The following NALCN variants were observed in gnomAD, a reference collection of about 807,000 sequenced individuals.
The protein encoded by NALCN is sodium leak channel NALCN.
In NALCN, 111 loss-of-function variants were observed where a neutral mutation model predicts 225.3. The observed-to-expected ratio is 0.49, with a 90% CI of 0.42 to 0.58. The LOEUF (loss-of-function observed/expected upper bound fraction) is 0.58. Among genes scored for constraint, NALCN ranks in the 20% least tolerant of loss-of-function variants. The pLI is 0.00. For missense variants in NALCN, 1,378 were observed against 2,202.4 expected (o/e 0.63, Z 7.49); for synonymous variants, 764 against 769.0 (o/e 0.99, Z 0.11).
intron 6 of NALCN, among the ~76,000 whole-genome samples, chr13:101,375,394 G>C (rs969174574): frequency 1.3e-5 from 2 of 152,086 alleles, no homozygotes; most frequent in African/African-American, 4.8e-5. Context: ...ATTGAGCCAA[G>C]CTTATCATGA....
At chr13:101,062,640 G>A (rs1422811898) in intron 40 of NALCN, among the ~76,000 whole-genome samples, 1 of 152,008 alleles carries the variant, frequency 6.6e-6, no homozygotes, top group Non-Finnish European at 1.5e-5. Flanking sequence ...CTTCACTCTT[G>A]TTGACCAGGC....
At chr13:101,357,674 GA>G (rs1012256973) in intron 6 of NALCN, among the ~76,000 whole-genome samples, 32 of 152,078 alleles carry the variant, frequency 2.1e-4, no homozygotes, top group African/African-American at 7.7e-4. Context: ...CACAGAATTA[GA>G]AAAAAACTAC....
intron 18 of NALCN, among the ~76,000 whole-genome samples, chr13:101,119,012 T>C (rs2035846808): frequency 6.6e-6 from 1 of 152,146 alleles, no homozygotes; most frequent in Admixed American, 6.5e-5. Context: ...GGCTAACCTA[T>C]GGAACAATAA....
chr13:101,082,915 C>T (rs375883134), intron 32 of NALCN, 32 bp from the exon 33 acceptor site: 3 of 1,612,000 alleles, frequency 1.9e-6, no homozygotes, highest in Non-Finnish European at 8.5e-7. Flanking sequence ...AGTCGTTGCC[C>T]ACGTCCATCG....
chr13:101,081,211 T>C (rs1249041194), intron 34 of NALCN, among the ~76,000 whole-genome samples: 1 of 152,216 alleles, frequency 6.6e-6, no homozygotes, highest in Non-Finnish European at 1.5e-5. Flanking sequence ...GTTGCAGTCT[T>C]CCTCTCTCTT....
chr13:101,167,836 C>CAAAA (rs1202439851), intron 15 of NALCN, among the ~76,000 whole-genome samples: 2 of 120,464 alleles, frequency 1.7e-5, no homozygotes, highest in Non-Finnish European at 3.6e-5. Context: ...GAGACTCTGT[C>CAAAA]AAAAAAAAAC....
At chr13:101,360,206 C>A (rs1158776260) in intron 6 of NALCN, among the ~76,000 whole-genome samples, 3 of 141,486 alleles carry the variant, frequency 2.1e-5, no homozygotes, top group Non-Finnish European at 4.6e-5. Context: ...CTCTCTCTCT[C>A]TCTCTCTCTC....
At chr13:101,382,643 A>C (rs879359256) in intron 3 of NALCN, among the ~76,000 whole-genome samples, 3 of 152,218 alleles carry the variant, frequency 2.0e-5, no homozygotes, top group African/African-American at 7.2e-5. Flanking sequence ...GAATTATTTT[A>C]AATCATTTTA....
intron 15 of NALCN, among the ~76,000 whole-genome samples, chr13:101,166,928 T>G (rs190739090): frequency 6.4e-4 from 98 of 152,314 alleles, no homozygotes; most frequent in Middle Eastern, 3.4e-3. Context: ...TTCATTCTTT[T>G]GTGTGTGGTA....
At chr13:101,373,063 T>C (rs1156353219) in intron 6 of NALCN, 2 of 396,354 alleles carry the variant, frequency 5.0e-6, no homozygotes, top group South Asian at 1.9e-5. Context: ...ATAAACATTA[T>C]GCAATATTGA....
chr13:101,181,244 T>C (rs1374258479), intron 14 of NALCN: 2 of 518,488 alleles, frequency 3.9e-6, no homozygotes, highest in African/African-American at 3.9e-5. Flanking sequence ...CTGGCCAGAG[T>C]CTGGCTTCCA....
At chr13:101,173,378 T>C (rs1566381056) in intron 15 of NALCN, among the ~76,000 whole-genome samples, 1 of 152,200 alleles carries the variant, frequency 6.6e-6, no homozygotes, top group Non-Finnish European at 1.5e-5. Context: ...GTTTAGAGGT[T>C]AAGAGTGTGG....
At chr13:101,259,344 A>T (rs1305894099) in intron 10 of NALCN, among the ~76,000 whole-genome samples, 1 of 151,790 alleles carries the variant, frequency 6.6e-6, no homozygotes, top group Non-Finnish European at 1.5e-5. Flanking sequence ...TATTATTATT[A>T]TTATTTTGAG....
In NALCN at chr13:101,399,052, C is replaced by T. The variant is rs374635988; in HGVS notation, c.75G>A (p.Ser25=). 40 of 1,610,842 alleles carry T rather than the reference C, an allele frequency of 2.5e-5. No homozygotes were observed. The East Asian group carries it at 5.3e-4, about 22-fold the overall frequency. ...VTDFGPDESL[S]DNADILWINK... The stretch of plus-strand genomic sequence containing the variant: ...TAATCCAGAGGATGTCAGCATTATC[C>T]GACAGAGACTCATCAGGACCAAAGT... The change falls in exon 2 of 44, where the codon TCG becomes TCA. Residue 25 remains serine (S), a synonymous_variant. Transcript: ENST00000251127.
intron 6 of NALCN, among the ~76,000 whole-genome samples, chr13:101,350,658 G>A (rs61973691): frequency 0.18 from 27,155 of 152,096 alleles, 2,870 homozygotes; most frequent in Non-Finnish European, 0.25. Context: ...AAAGTATGGT[G>A]CCTGGCTGTT....
At chr13:101,392,686 C>A (rs1040625450) in intron 3 of NALCN, among the ~76,000 whole-genome samples, 1 of 152,032 alleles carries the variant, frequency 6.6e-6, no homozygotes, top group Non-Finnish European at 1.5e-5. Context: ...TAAGTAAAAG[C>A]AACTAGGGCA....
chr13:101,081,968 C>T (rs1221552374), intron 33 of NALCN, among the ~76,000 whole-genome samples: 4 of 152,068 alleles, frequency 2.6e-5, no homozygotes, highest in African/African-American at 9.7e-5. Flanking sequence ...GCCTCTGCCT[C>T]CCGGGTTCAA....
chr13:101,312,600 G>A (rs1480779763), intron 7 of NALCN, among the ~76,000 whole-genome samples: 3 of 151,996 alleles, frequency 2.0e-5, no homozygotes, highest in African/African-American at 7.2e-5. Context: ...CTTTATTTCT[G>A]CCTTCATTTC....
intron 3 of NALCN, among the ~76,000 whole-genome samples, chr13:101,382,811 T>C (rs2046887575): frequency 6.6e-6 from 1 of 152,202 alleles, no homozygotes; most frequent in Non-Finnish European, 1.5e-5. Context: ...GAATGTCTTC[T>C]GCCTTGGACT....
Sources: allele counts gnomAD v4.1 joint callset (sites outside exome capture counted in the v4.1 genomes callset), GRCh38; gene constraint gnomAD v4.1.1; transcripts MANE v1.5; gene names NCBI Gene and HGNC (gene_info 2026-07-23, HGNC 2026-07-21).